Variants in PLCE1 observed in about 807,000 individuals in gnomAD.
The protein encoded by PLCE1 is 1-phosphatidylinositol 4,5-bisphosphate phosphodiesterase epsilon-1.
In PLCE1, 119 loss-of-function variants were observed where a neutral mutation model predicts 242.8. The ratio of observed to expected loss-of-function variants is 0.49; its 90% CI spans 0.42 to 0.57. The LOEUF is 0.57. Among genes scored for constraint, PLCE1 ranks in the 20% least tolerant of loss-of-function variants. The pLI is 0.00. For missense variants in PLCE1, 2,441 were observed against 2,788.8 expected (o/e 0.88, Z 2.81); for synonymous variants, 945 against 1,017.4 (o/e 0.93, Z 1.35).
chr10:94,283,943 T>C (rs1211412658), intron 21 of PLCE1, 32 bp downstream of exon 21: 1 of 1,604,002 alleles, frequency 6.2e-7, no homozygotes, highest in Admixed American at 1.7e-5. Context: ...AATGACACTT[T>C]GACCATGTGG....
chr10:94,109,655 A>T (rs1429567269), intron 2 of PLCE1, among the ~76,000 whole-genome samples: 4 of 152,188 alleles, frequency 2.6e-5, no homozygotes, highest in Admixed American at 6.5e-5. Flanking sequence ...AATAAAGCTA[A>T]ACTTCCTTAA....
intron 1 of PLCE1, among the ~76,000 whole-genome samples, chr10:94,002,321 C>T (rs993601568): frequency 4.9e-4 from 74 of 152,202 alleles, no homozygotes; most frequent in African/African-American, 1.7e-3. Flanking sequence ...GAGAATGGTC[C>T]GGGCGTCTCT....
chr10:94,267,548 C>T (rs1342277984), intron 16 of PLCE1, among the ~76,000 whole-genome samples: 1 of 152,208 alleles, frequency 6.6e-6, no homozygotes, highest in Non-Finnish European at 1.5e-5. Context: ...AAGCCCTGTT[C>T]TTCTCATCTA....
At chr10:94,187,183 C>T (rs200161909) in intron 4 of PLCE1, among the ~76,000 whole-genome samples, 62 of 111,906 alleles carry the variant, frequency 5.5e-4, no homozygotes, top group Admixed American at 9.6e-4. Context: ...TGTGTGTGTG[C>T]GTGCACACAC....
At chr10:94,235,047 C>T (rs2050268128) in intron 6 of PLCE1, among the ~76,000 whole-genome samples, 1 of 143,960 alleles carries the variant, frequency 6.9e-6, no homozygotes, top group African/African-American at 2.6e-5. Context: ...GATGACAGAA[C>T]CTACTACTGA....
intron 4 of PLCE1, among the ~76,000 whole-genome samples, chr10:94,201,903 G>A (rs78753471): frequency 1.5e-4 from 23 of 152,142 alleles, no homozygotes; most frequent in African/African-American, 4.8e-4. Flanking sequence ...TATTTTGGGG[G>A]CATTTCCTTT....
chr10:94,091,819 G>C (rs1460546970), intron 2 of PLCE1, among the ~76,000 whole-genome samples: 26 of 152,066 alleles, frequency 1.7e-4, no homozygotes, highest in Admixed American at 1.7e-3. Flanking sequence ...CAAGGATAAT[G>C]AGATTGAGCT....
At chr10:94,020,025 A>T (rs1206445770) in intron 1 of PLCE1, among the ~76,000 whole-genome samples, 1 of 152,250 alleles carries the variant, frequency 6.6e-6, no homozygotes, top group African/African-American at 2.4e-5. Flanking sequence ...TTCTACGAAT[A>T]GAATTTTTGG....
intron 4 of PLCE1, among the ~76,000 whole-genome samples, chr10:94,188,123 T>C (rs2048540928): frequency 6.6e-6 from 1 of 152,218 alleles, no homozygotes; most frequent in African/African-American, 2.4e-5. Context: ...AGTCATTTTG[T>C]AATTTGTAAA....
At position 94,230,602 on chromosome 10, in the gene PLCE1, G is replaced by A. The variant is rs116445466; in HGVS notation, c.1955+3151G>A. The stretch of plus-strand genomic sequence containing the variant: ...AGCCTCCCAAAGTGCTAGGATTACA[G>A]GCATGAGGTAAAAAACAATTTTTTA... On this transcript the variant is annotated intron_variant, in intron 5 of 32. Coordinates refer to ENST00000371380, the MANE Select transcript of PLCE1 (RefSeq NM_016341.4). 3.0e-3 allele frequency among the ~76,000 whole-genome samples: 439 copies of A among 147,000 alleles called. 1 individual carries two copies. Among genetic ancestry groups the A allele is most frequent in the African/African-American group, 8.9e-3 (366 of 40,950 alleles).
intron 24 of PLCE1, among the ~76,000 whole-genome samples, chr10:94,300,089 T>C (rs995707267): frequency 1.3e-5 from 2 of 152,188 alleles, no homozygotes; most frequent in East Asian, 3.9e-4. Context: ...CCTGGTGCCA[T>C]TGGTTATTAT....
intron 4 of PLCE1, among the ~76,000 whole-genome samples, chr10:94,218,951 A>G (rs998844574): frequency 1.4e-5 from 2 of 147,504 alleles, no homozygotes; most frequent in African/African-American, 2.5e-5. Context: ...TTATTATATA[A>G]TTAAATATAA....
chr10:94,083,463 A>G (rs1284692941), intron 2 of PLCE1, among the ~76,000 whole-genome samples: 1 of 152,146 alleles, frequency 6.6e-6, no homozygotes, highest in African/African-American at 2.4e-5. Flanking sequence ...ATCTCCTTTT[A>G]CAGAAGAGGA....
chr10:94,292,492 G>A (rs1405995224), intron 22 of PLCE1, among the ~76,000 whole-genome samples: 1 of 152,128 alleles, frequency 6.6e-6, no homozygotes. Context: ...TTCAGATAAG[G>A]GATATTCAGC....
chr10:94,297,622 A>AAAAAAAAAAAG (rs1564873283), intron 23 of PLCE1, among the ~76,000 whole-genome samples: 1 of 110,206 alleles, frequency 9.1e-6, no homozygotes, highest in African/African-American at 3.5e-5. Flanking sequence ...AAAAAAAAAA[A>AAAAAAAAAAAG]AAAAAGTGCA....
rs897492037 is a variant in PLCE1 at position 94,279,822 on chromosome 10, G to A, written c.4706G>A (p.Gly1569Asp). 8.7e-6 allele frequency: 14 copies of A among 1,613,690 alleles called. No individual in the cohort carries two copies. The highest frequency in any genetic ancestry group is 1.2e-5 in the Non-Finnish European group (14 of 1,179,732). The change falls in exon 20 of 33, where the codon GGT becomes GAT. Residue 1569 changes from glycine to aspartate, a missense_variant. Physicochemically the swap from Gly to Asp is moderately conservative, Grantham distance 94. Transcript: ENST00000371380. Reference protein sequence around the residue: ...LASMQVQAYNGGNANPRPANN... With the variant: ...LASMQVQAYNDGNANPRPANN... ...TCTATGCAAGTGCAGGCTTATAATG[G>A]TGGGAATGCCAACCCCCGACCTGCC...
intron 3 of PLCE1, among the ~76,000 whole-genome samples, chr10:94,162,604 C>G (rs986442486): frequency 6.6e-6 from 1 of 152,072 alleles, no homozygotes; most frequent in African/African-American, 2.4e-5. Context: ...TTCAAAAAAC[C>G]AGCTCCTGGA....
intron 1 of PLCE1, among the ~76,000 whole-genome samples, chr10:94,030,311 T>A (rs757995882): frequency 3.0e-4 from 46 of 152,260 alleles, no homozygotes; most frequent in Non-Finnish European, 5.9e-4. Flanking sequence ...CTTCCTTGCC[T>A]TGTTGCCTGG....
chr10:94,093,269 A>G (rs546672408), intron 2 of PLCE1, among the ~76,000 whole-genome samples: 11 of 152,346 alleles, frequency 7.2e-5, no homozygotes, highest in African/African-American at 2.4e-4. Flanking sequence ...AATAAATCAA[A>G]TAATGTTTTC....
Sources: allele counts gnomAD v4.1 joint callset (sites outside exome capture counted in the v4.1 genomes callset), GRCh38; gene constraint gnomAD v4.1.1; transcripts MANE v1.5; gene names NCBI Gene and HGNC (gene_info 2026-07-23, HGNC 2026-07-21).